Variants in PPP2R3B observed in about 807,000 individuals in gnomAD.
PPP2R3B encodes protein phosphatase 2 regulatory subunit B''beta.
In PPP2R3B, 68 loss-of-function variants were observed where a neutral mutation model predicts 72.9. That is an observed-to-expected ratio of 0.93 (90% confidence interval 0.77 to 1.14). The LOEUF (loss-of-function observed/expected upper bound fraction) is 1.14. Among genes scored for constraint, PPP2R3B ranks in the 50% most tolerant of loss-of-function variants. PPP2R3B has a pLI of 0.00. For missense variants in PPP2R3B, 1,018 were observed against 842.0 expected (o/e 1.21, Z -2.59); for synonymous variants, 466 against 375.8 (o/e 1.24, Z -2.78).
At chrX:352,316 G>A (rs1405861751) in intron 2 of PPP2R3B, among the ~76,000 whole-genome samples, 3 of 152,340 alleles carry the variant, frequency 2.0e-5, no homozygotes, top group Admixed American at 6.5e-5. Flanking sequence ...ACGCCCACCC[G>A]CACGGCCAGG....
Position 386,611 on chromosome X carries a change from G to A in PPP2R3B, c.81C>T (p.Ser27=). Residue 27 remains serine, a synonymous_variant, in exon 1 of 13, where the codon AGC becomes AGT. Transcript: ENST00000390665. ...ELFLYWLSEA[S]TQRMLQDCLR... ...GGCAGTCCTGCAGCATCCGCTGCGT[G>A]CTGGCCTCGCTGAGCCAGTACAGGA... The A allele has an allele frequency of 6.9e-7, 1 of 1,446,992 alleles. No homozygotes were observed. 89.6% of individuals were successfully genotyped at this position (1,446,992 alleles called of 1,614,324 possible). A position where few individuals can be genotyped will look rare whatever the true frequency, so the allele number is the denominator to read the frequency against.
chrX:375,098 C>T (rs1432672386), intron 1 of PPP2R3B, among the ~76,000 whole-genome samples: 2 of 152,056 alleles, frequency 1.3e-5, no homozygotes, highest in African/African-American at 4.8e-5. Flanking sequence ...CTTAGGGGTA[C>T]GCCCCTCTCC....
intron 1 of PPP2R3B, among the ~76,000 whole-genome samples, chrX:381,203 G>A (rs1386835623): frequency 6.6e-6 from 1 of 151,830 alleles, no homozygotes; most frequent in Non-Finnish European, 1.5e-5. Context: ...TGCTGGGATT[G>A]AGCCACTGCA....
chrX:383,724 G>C (rs1453011102), intron 1 of PPP2R3B, among the ~76,000 whole-genome samples: 1 of 150,510 alleles, frequency 6.6e-6, no homozygotes. Context: ...TGTAGTCCCA[G>C]CTACTTGGGA....
Position 347,234 on chromosome X carries a change from C to T in PPP2R3B, c.717G>A (p.Gln239=). The T allele has an allele frequency of 2.5e-6, 4 of 1,613,458 alleles. No homozygotes were observed. Among genetic ancestry groups the T allele is most frequent in the East Asian group, 2.2e-5 (1 of 44,866 alleles). The change falls in exon 4 of 13, where the codon CAG becomes CAA. Residue 239 remains glutamine (Q), a splice_region_variant and synonymous_variant. Coordinates refer to ENST00000390665, the MANE Select transcript of PPP2R3B (RefSeq NM_013239.5). The part of the protein sequence containing the change: ...LVQEDFVPFL[Q]DVVNTHPGLS... ...CTGTGGTGTAGACGCAGGCTCTCAC[C>T]TGCAAGAAGGGGACAAAGTCCTCCT...
intron 1 of PPP2R3B, among the ~76,000 whole-genome samples, chrX:363,297 G>C (rs1603094345): frequency 1.4e-5 from 2 of 143,386 alleles, no homozygotes; most frequent in Admixed American, 6.9e-5. Context: ...ATCCCGCAGT[G>C]CATCTCCCCG....
chrX:338,482 C>A lies in PPP2R3B; in HGVS notation c.1577+122G>T. The A allele has an allele frequency of 3.0e-6, 3 of 1,009,638 alleles. 1 individual carries two copies. 62.5% of individuals were successfully genotyped at this position (1,009,638 alleles called of 1,614,324 possible). The stretch of plus-strand genomic sequence containing the variant: ...ACCCCGCCCCTCTGTGTCCGCGCAC[C>A]CCACCTGACTGACCCCGCATCCCCC... On this transcript the variant is annotated intron_variant, in intron 12 of 12. Coordinates refer to ENST00000390665, the MANE Select transcript of PPP2R3B (RefSeq NM_013239.5).
intron 2 of PPP2R3B, among the ~76,000 whole-genome samples, chrX:348,405 G>T (rs1336462101): frequency 1.3e-5 from 2 of 151,880 alleles, no homozygotes; most frequent in African/African-American, 4.8e-5. Context: ...GTGAAACCTC[G>T]TCTCTACTAA....
chrX:375,886 C>T (rs2071982515), intron 1 of PPP2R3B, among the ~76,000 whole-genome samples: 1 of 152,256 alleles, frequency 6.6e-6, no homozygotes, highest in Admixed American at 6.5e-5. Context: ...CAGGTTTCCT[C>T]TTTCCGTACA....
At position 386,609 on chromosome X, in the gene PPP2R3B, G is replaced by A. The variant is rs770624878; in HGVS notation, c.83C>T (p.Thr28Met). Residue 28 changes from threonine to methionine, a missense_variant, in exon 1 of 13, where the codon ACG becomes ATG. Thr to Met is a moderately conservative substitution (Grantham distance 81, BLOSUM62 -1). Transcript: ENST00000390665. ...LFLYWLSEAS[T>M]QRMLQDCLRR... is the part of the protein sequence containing the mutation. ...CAGGCAGTCCTGCAGCATCCGCTGCGTGCTGGCCTCGCTGAGCCAGTACAG... is the reference window on the plus strand; with the variant it reads ...CAGGCAGTCCTGCAGCATCCGCTGCATGCTGGCCTCGCTGAGCCAGTACAG... The A allele has an allele frequency of 1.6e-5, 23 of 1,447,908 alleles. No individual in the cohort carries two copies. Among genetic ancestry groups the A allele is most frequent in the Non-Finnish European group, 2.0e-5 (22 of 1,101,140 alleles). 89.7% of individuals were successfully genotyped at this position (1,447,908 alleles called of 1,614,324 possible). A position where few individuals can be genotyped will look rare whatever the true frequency, so the allele number is the denominator to read the frequency against.
chrX:340,833 G>A lies in PPP2R3B; in HGVS notation c.1283C>T (p.Ala428Val). The change falls in exon 10 of 13, where the codon GCC becomes GTC. Residue 428 changes from alanine (A) to valine (V), a missense_variant. Ala to Val is a moderately conservative substitution (Grantham distance 64). Coordinates refer to ENST00000390665, the MANE Select transcript of PPP2R3B (RefSeq NM_013239.5). ...GTCCTGGAAGGGCAGGGCCTCGATG[G>A]CCATGCTGTCCAGCCTTCGGCACTG... ...EEQCRRLDSMAIEALPFQDCL... is the reference protein window; with the variant it reads ...EEQCRRLDSMVIEALPFQDCL... 5.0e-6 allele frequency: 8 copies of A among 1,611,420 alleles called. No homozygotes were observed. Among genetic ancestry groups the A allele is most frequent in the Non-Finnish European group, 6.8e-6 (8 of 1,179,606 alleles).
intron 1 of PPP2R3B, among the ~76,000 whole-genome samples, chrX:378,413 T>C (rs2072045395): frequency 6.6e-6 from 1 of 152,256 alleles, no homozygotes; most frequent in African/African-American, 2.4e-5. Context: ...TAATGGCTTT[T>C]CTGAAATCCC....
intron 9 of PPP2R3B, 121 bp from the exon 10 acceptor site, chrX:341,061 G>GGCGTGCA: frequency 7.4e-7 from 1 of 1,353,944 alleles, no homozygotes; most frequent in Non-Finnish European, 1.0e-6. Flanking sequence ...AGCCCCCACC[G>GGCGTGCA]GGCGTGCAGG....
chrX:375,301 G>C (rs949019307), intron 1 of PPP2R3B, among the ~76,000 whole-genome samples: 5 of 152,212 alleles, frequency 3.3e-5, no homozygotes, highest in Admixed American at 6.5e-5. Context: ...AGTGCACCCA[G>C]TAACCCACGA....
intron 1 of PPP2R3B, among the ~76,000 whole-genome samples, chrX:382,196 CTTTT>C (rs769206203): frequency 7.7e-5 from 10 of 130,062 alleles, no homozygotes; most frequent in South Asian, 2.5e-4. Flanking sequence ...CTTTTTTTTT[CTTTT>C]TTTTTTTTTT....
intron 12 of PPP2R3B, chrX:337,216 G>A (rs2070913880): frequency 1.3e-5 from 2 of 152,198 alleles, no homozygotes; most frequent in African/African-American, 4.8e-5. Flanking sequence ...GAGTAGCTGG[G>A]ACTACAGGCG....
chrX:386,379 C>A lies in PPP2R3B; in HGVS notation c.313G>T (p.Gly105Trp). Residue 105 changes from glycine to tryptophan, a missense_variant, in exon 1 of 13, where the codon GGG becomes TGG. Transcript: ENST00000390665. ...PHVRGTRRSA[G>W]TRVVQTRKEE... ...GAAGAGTAACTTACTACTCTCGTCCCTGCGGATCTACGGGTGCCTCGAACG... is the reference window on the plus strand; with the variant it reads ...GAAGAGTAACTTACTACTCTCGTCCATGCGGATCTACGGGTGCCTCGAACG... 1 of 1,318,722 alleles carries A rather than the reference C, an allele frequency of 7.6e-7. No individual in the cohort carries two copies. The allele number at this position is 1,318,722 out of a possible 1,614,324, so 81.7% of individuals were successfully genotyped here. A position where few individuals can be genotyped will look rare whatever the true frequency, so the allele number is the denominator to read the frequency against.
At chrX:341,007 A>AACCCCTGG (rs1569379342) in intron 9 of PPP2R3B, 67 bp from the exon 10 acceptor site, 1 of 1,565,970 alleles carries the variant, frequency 6.4e-7, no homozygotes, top group African/African-American at 1.4e-5. Context: ...GCAGCCCCTG[A>AACCCCTGG]GGCAGCCCCC....
At chrX:349,805 T>C (rs1451440135) in intron 2 of PPP2R3B, among the ~76,000 whole-genome samples, 9 of 152,176 alleles carry the variant, frequency 5.9e-5, no homozygotes, top group Non-Finnish European at 1.3e-4. Flanking sequence ...ACACAGTGTC[T>C]ACAAAGCAAA....
Sources: allele counts gnomAD v4.1 joint callset (sites outside exome capture counted in the v4.1 genomes callset), GRCh38; gene constraint gnomAD v4.1.1; transcripts MANE v1.5; gene names NCBI Gene and HGNC (gene_info 2026-07-23, HGNC 2026-07-21).